The following WEE2 variants were observed in gnomAD, a reference collection of about 807,000 sequenced individuals.
The protein encoded by WEE2 is WEE2 oocyte meiosis inhibiting kinase, also known as wee1-like protein kinase 2.
In WEE2, 50 loss-of-function variants were observed where a neutral mutation model predicts 60.1. That is an observed-to-expected ratio of 0.83 (90% CI 0.66 to 1.05). The LOEUF (loss-of-function observed/expected upper bound fraction) is 1.05. WEE2 is among the 50% of genes least tolerant of loss of function. WEE2 has a pLI of 0.00. For missense variants in WEE2, 631 were observed against 684.3 expected (o/e 0.92, Z 0.87); for synonymous variants, 240 against 241.0 (o/e 1.00, Z 0.04).
In WEE2 at chr7:141,719,102, T is replaced by C. The variant is rs1292912459; in HGVS notation, c.616T>C (p.Ser206Pro). Residue 206 changes from serine to proline, a missense_variant, in exon 4 of 12, where the codon TCC (serine) becomes CCC (proline). Ser to Pro is a moderately conservative substitution (Grantham distance 74). Transcript: ENST00000397541. ...TGTTTTACGAGAAACCAACATGGCT[T>C]CCCGCTATGAAAAAGAATTCTTGGA... ...RCVLRETNMA[S>P]RYEKEFLEVE... 1.2e-6 allele frequency: 2 copies of C among 1,614,006 alleles called. No homozygotes were observed. The highest frequency in any genetic ancestry group is 1.7e-4 in the Middle Eastern group (1 of 6,050).
intron 2 of WEE2, among the ~76,000 whole-genome samples, chr7:141,715,050 G>A (rs1798773546): frequency 6.6e-6 from 1 of 152,198 alleles, no homozygotes; most frequent in African/African-American, 2.4e-5. Flanking sequence ...ATGTTCATAT[G>A]TACTCAGCGA....
At chr7:141,709,199 T>A (rs556042372) in intron 1 of WEE2, 99 bp downstream of exon 1, 9 of 895,416 alleles carry the variant, frequency 1.0e-5, no homozygotes, top group Non-Finnish European at 1.6e-5. Context: ...GACAGTCACC[T>A]CCAGGCTGTG....
At chr7:141,716,154 A>T in intron 2 of WEE2, 68 bp from the exon 3 acceptor site, 1 of 1,342,036 alleles carries the variant, frequency 7.5e-7, no homozygotes, top group Non-Finnish European at 1.0e-6. Flanking sequence ...ACATCCCTAG[A>T]ACCTAGCATA....
rs770687706 is a variant in WEE2, at chr7:141,729,651, T to C, written c.1656T>C (p.Ser552=). ...RSTKRLVGGK[S]ARSSSFTSGE... Reference sequence around the variant, plus strand: ...CAAAACGCCTGGTGGGAGGAAAGAGTGCAAGGTCTTCAAGCTTTACCTGTG... The same window carrying C: ...CAAAACGCCTGGTGGGAGGAAAGAGCGCAAGGTCTTCAAGCTTTACCTGTG... Residue 552 remains serine (S), a synonymous_variant, in exon 11 of 12, where the codon AGT becomes AGC. Transcript: ENST00000397541. 2.4e-5 allele frequency: 38 copies of C among 1,613,000 alleles called. No individual in the cohort carries two copies. The highest frequency in any genetic ancestry group is 3.0e-5 in the Non-Finnish European group (35 of 1,179,820).
rs201364183 is a variant in WEE2 at position 141,729,631 on chromosome 7, C to T, written c.1636C>T (p.Arg546Cys). ...CCACACAGGATCAAGAAGCACAAAA[C>T]GCCTGGTGGGAGGAAAGAGTGCAAG... is the stretch of plus-strand genomic sequence containing the variant. The part of the protein sequence containing the change: ...GTHTGSRSTK[R>C]LVGGKSARSS... Residue 546 changes from arginine to cysteine, a missense_variant, in exon 11 of 12, where the codon CGC becomes TGC. Physicochemically the swap from Arg to Cys is radical, Grantham distance 180 (BLOSUM62 -3). Transcript: ENST00000397541. The T allele has an allele frequency of 2.0e-5, 33 of 1,614,064 alleles. No individual in the cohort carries two copies. The highest frequency in any genetic ancestry group is 1.6e-4 in the African/African-American group (12 of 75,046).
In WEE2 at chr7:141,709,561, G is replaced by A. The variant is rs554023209; in HGVS notation, c.342+461G>A. ...CATTACGCCAACTGGCTCTATTTTT[G>A]TGTGATTATTTACTAATACTTTCTA... is the stretch of plus-strand genomic sequence containing the variant. On this transcript the variant is annotated intron_variant, in intron 1 of 11. Transcript: ENST00000397541. Among the ~76,000 whole-genome samples, 77 of 152,232 alleles carry A rather than the reference G, an allele frequency of 5.1e-4. 1 individual carries two copies. The highest frequency in any genetic ancestry group is 1.8e-3 in the African/African-American group (76 of 41,528).
chr7:141,728,427 C>T (rs1799059790), intron 10 of WEE2, among the ~76,000 whole-genome samples: 1 of 152,216 alleles, frequency 6.6e-6, no homozygotes, highest in Non-Finnish European at 1.5e-5. Context: ...TCAGGTAAAT[C>T]TTCCTAATAA....
chr7:141,728,419 A>T (rs1799059641), intron 10 of WEE2, among the ~76,000 whole-genome samples: 1 of 152,222 alleles, frequency 6.6e-6, no homozygotes, highest in African/African-American at 2.4e-5. Context: ...GCCTTTAGTC[A>T]GGTAAATCTT....
intron 9 of WEE2, among the ~76,000 whole-genome samples, chr7:141,725,768 C>T (rs1799006467): frequency 6.6e-6 from 1 of 152,106 alleles, no homozygotes; most frequent in South Asian, 2.1e-4. Flanking sequence ...CTTCTAACAA[C>T]CCTATAAGGT....
intron 3 of WEE2, 80 bp downstream of exon 3, chr7:141,716,347 C>G (rs1798796751): frequency 1.5e-6 from 2 of 1,333,780 alleles, no homozygotes; most frequent in South Asian, 2.5e-5. Flanking sequence ...CCCCTTCTCC[C>G]TCTCTCTCCT....
intron 2 of WEE2, among the ~76,000 whole-genome samples, chr7:141,715,676 C>T (rs916050035): frequency 3.3e-5 from 5 of 152,150 alleles, no homozygotes; most frequent in African/African-American, 7.2e-5. Context: ...ACCTGTGAAC[C>T]GATTACAAAG....
intron 4 of WEE2, among the ~76,000 whole-genome samples, chr7:141,719,482 T>C (rs1798867115): frequency 6.6e-6 from 1 of 152,144 alleles, no homozygotes; most frequent in African/African-American, 2.4e-5. Context: ...TGTTTGTTTG[T>C]TTTCTGTCAC....
chr7:141,719,342 T>C, intron 4 of WEE2, 98 bp downstream of exon 4: 1 of 1,166,668 alleles, frequency 8.6e-7, no homozygotes, highest in South Asian at 1.7e-5. Context: ...TCATTAAAAA[T>C]CATTTGTGTT....
chr7:141,718,224 A>G (rs1353115130), intron 3 of WEE2, among the ~76,000 whole-genome samples: 1 of 152,192 alleles, frequency 6.6e-6, no homozygotes, highest in Non-Finnish European at 1.5e-5. Flanking sequence ...GGACACTGAG[A>G]AAAGATGACT....
chr7:141,720,284 T>C (rs1287341589), intron 4 of WEE2, among the ~76,000 whole-genome samples: 1 of 151,342 alleles, frequency 6.6e-6, no homozygotes, highest in African/African-American at 2.4e-5. Flanking sequence ...GCCTCCCAAG[T>C]AGCTGGGACT....
chr7:141,720,989 T>G lies in WEE2; in HGVS notation c.813T>G (p.His271Gln), dbSNP rs757927822. 5 of 1,614,088 alleles carry G rather than the reference T, an allele frequency of 3.1e-6. No homozygotes were observed. Among genetic ancestry groups the G allele is most frequent in the Non-Finnish European group, 4.2e-6 (5 of 1,180,018 alleles). The change falls in exon 5 of 12, where the codon CAT becomes CAG. Residue 271 changes from histidine to glutamine, a missense_variant. Physicochemically the swap from His to Gln is conservative, Grantham distance 24 (BLOSUM62 0). Transcript: ENST00000397541. ...YAHAVLGHHP[H>Q]VVRYYSSWAE... ...ACGCAGTGCTTGGGCATCACCCCCA[T>G]GTGGTACGTTACTATTCCTCATGGG...
chr7:141,708,688 T>C lies in WEE2; in HGVS notation c.-71T>C. 1 of 1,358,000 alleles carries C rather than the reference T, an allele frequency of 7.4e-7. No homozygotes were observed. Among genetic ancestry groups the C allele is most frequent in the Non-Finnish European group, 1.0e-6 (1 of 985,744 alleles). The allele number at this position is 1,358,000 out of a possible 1,614,324, so 84.1% of individuals were successfully genotyped here. A position where few individuals can be genotyped will look rare whatever the true frequency, so the allele number is the denominator to read the frequency against. On this transcript the variant is annotated 5_prime_UTR_variant, in exon 1 of 12. Coordinates refer to ENST00000397541, the MANE Select transcript of WEE2 (RefSeq NM_001105558.1). ...GCAGGTTAAGTTATTTTCTCCTCCC[T>C]GCTTCTGTAGGTTCACAGCGTTCCC...
At chr7:141,719,802 A>C (rs925831243) in intron 4 of WEE2, among the ~76,000 whole-genome samples, 2 of 151,924 alleles carry the variant, frequency 1.3e-5, no homozygotes, top group African/African-American at 4.8e-5. Flanking sequence ...TTTACTTTCT[A>C]CTGCTGGTCT....
chr7:141,714,367 T>C lies in WEE2; in HGVS notation c.501T>C (p.Phe167=), dbSNP rs1445413764. The C allele has an allele frequency of 5.0e-6, 8 of 1,611,908 alleles. No individual in the cohort carries two copies. The South Asian group carries it at 5.5e-5, about 11-fold the overall frequency. Residue 167 remains phenylalanine, a synonymous_variant, in exon 2 of 12, where the codon TTT becomes TTC. Coordinates refer to ENST00000397541, the MANE Select transcript of WEE2 (RefSeq NM_001105558.1). ...PFTPESYKKL[F]LQSGGKRKIR... is the part of the protein sequence containing the mutation. Reference sequence around the variant, plus strand: ...CTCCAGAGTCCTATAAAAAATTATTTCTTCAATCTGGTGGCAAGAGGAAAA... The same window carrying C: ...CTCCAGAGTCCTATAAAAAATTATTCCTTCAATCTGGTGGCAAGAGGAAAA...
Sources: allele counts gnomAD v4.1 joint callset (sites outside exome capture counted in the v4.1 genomes callset), GRCh38; gene constraint gnomAD v4.1.1; transcripts MANE v1.5; gene names NCBI Gene and HGNC (gene_info 2026-07-23, HGNC 2026-07-21).